Variants in PPP2R2B observed in about 807,000 individuals in gnomAD.
PPP2R2B encodes serine/threonine-protein phosphatase 2A 55 kDa regulatory subunit B beta isoform.
Under a neutral mutation model 46.0 loss-of-function variants are expected in PPP2R2B, and 5 were observed. The observed-to-expected ratio is 0.11, with a 90% CI of 0.06 to 0.23. The LOEUF (loss-of-function observed/expected upper bound fraction) is 0.23. Ranked by LOEUF, PPP2R2B falls within the 10% of genes least tolerant of loss-of-function variation. The pLI is 1.00. For missense variants in PPP2R2B, 367 were observed against 575.0 expected, an observed-to-expected ratio of 0.64 and a Z score of 3.70; for synonymous variants, 215 against 206.7, an observed-to-expected ratio of 1.04 and a Z score of -0.34.
intron 2 of PPP2R2B, among the ~76,000 whole-genome samples, chr5:146,872,152 G>C (rs1221340159): frequency 6.6e-6 from 1 of 152,090 alleles, no homozygotes; most frequent in Non-Finnish European, 1.5e-5. Context: ...CAGGATCATT[G>C]GTACATTTCT....
chr5:147,062,447 G>T (rs1757286935), intron 2 of PPP2R2B, among the ~76,000 whole-genome samples: 1 of 152,146 alleles, frequency 6.6e-6, no homozygotes, highest in Admixed American at 6.5e-5. Flanking sequence ...TCTGCTAAGT[G>T]CTACACCTAG....
At chr5:146,805,637 G>T (rs931049606) in intron 2 of PPP2R2B, among the ~76,000 whole-genome samples, 1 of 152,140 alleles carries the variant, frequency 6.6e-6, no homozygotes, top group Non-Finnish European at 1.5e-5. Flanking sequence ...ATGGAATATG[G>T]TAAAGCAGAT....
chr5:146,919,651 A>G (rs1417192986), intron 1 of PPP2R2B: 1 of 152,088 alleles, frequency 6.6e-6, no homozygotes, highest in Non-Finnish European at 1.5e-5. Context: ...ATGTTCATAC[A>G]CCCTTTTAAT....
chr5:147,074,235 A>C (rs1200710724), intron 2 of PPP2R2B, among the ~76,000 whole-genome samples: 1 of 152,134 alleles, frequency 6.6e-6, no homozygotes, highest in Non-Finnish European at 1.5e-5. Context: ...TGGGTAACTG[A>C]ACCAAGTTTA....
Position 146,842,927 on chromosome 5 carries a change from G to A in PPP2R2B, c.70+35075C>T, listed in dbSNP as rs570982782. On this transcript the variant is annotated intron_variant, in intron 2 of 9. Transcript: ENST00000394411. Reference sequence around the variant, plus strand: ...AAATTGGCTGGGCGCGGTGGCTCACGCCTGTAATCCCAGAACTTTGGGAGG... The same window carrying A: ...AAATTGGCTGGGCGCGGTGGCTCACACCTGTAATCCCAGAACTTTGGGAGG... Among the ~76,000 whole-genome samples the A allele has an allele frequency of 1.2e-4, 19 of 152,308 alleles. No homozygotes were observed. The South Asian group carries it at 2.5e-3, about 20-fold the overall frequency.
intron 5 of PPP2R2B, among the ~76,000 whole-genome samples, chr5:146,672,751 C>T (rs1777450947): frequency 6.6e-6 from 1 of 152,186 alleles, no homozygotes; most frequent in Admixed American, 6.6e-5. Flanking sequence ...ATTCATTTAA[C>T]ACTTTCTTGT....
rs1760274990 is a variant in PPP2R2B, at chr5:146,850,440, CAA to C, written c.70+27560_70+27561del. ...AGCAAAAATGGCTCATATATTTTTG[CAA>C]GACTCTGCAAGATGTGGCTTCTGTC... On this transcript the variant is annotated intron_variant, in intron 2 of 9. Coordinates refer to ENST00000394411, the MANE Select transcript of PPP2R2B (RefSeq NM_181675.4). 3.9e-5 allele frequency among the ~76,000 whole-genome samples: 6 copies of C among 152,208 alleles called. No homozygotes were observed. In the South Asian group the frequency reaches 1.2e-3, roughly 32 times the overall value.
intron 5 of PPP2R2B, among the ~76,000 whole-genome samples, chr5:146,687,705 G>A (rs937433288): frequency 1.3e-5 from 2 of 152,104 alleles, no homozygotes; most frequent in Non-Finnish European, 2.9e-5. Context: ...CTTCTCATGG[G>A]CTCTTTTGGT....
At chr5:146,741,238 T>C (rs1026557841) in intron 2 of PPP2R2B, among the ~76,000 whole-genome samples, 1 of 152,174 alleles carries the variant, frequency 6.6e-6, no homozygotes, top group Admixed American at 6.5e-5. Flanking sequence ...GCAACCCCCC[T>C]TTCTCCATGT....
chr5:147,003,956 TC>T (rs1323977899), intron 1 of PPP2R2B, among the ~76,000 whole-genome samples: 1 of 152,008 alleles, frequency 6.6e-6, no homozygotes, highest in African/African-American at 2.4e-5. Flanking sequence ...AGGAGAAAGC[TC>T]CAAAAGTGAG....
At chr5:146,790,193 G>A (rs541738101) in intron 2 of PPP2R2B, among the ~76,000 whole-genome samples, 1 of 152,302 alleles carries the variant, frequency 6.6e-6, no homozygotes. Flanking sequence ...TGGGTCACTG[G>A]TTTTCCTGAA....
chr5:146,590,903 G>T (rs765917837), intron 9 of PPP2R2B, among the ~76,000 whole-genome samples: 7 of 152,128 alleles, frequency 4.6e-5, no homozygotes, highest in Non-Finnish European at 8.8e-5. Flanking sequence ...GAAATAAAAA[G>T]ATTTTATATG....
intron 1 of PPP2R2B, among the ~76,000 whole-genome samples, chr5:146,898,120 G>A (rs1443455417): frequency 6.6e-6 from 1 of 152,196 alleles, no homozygotes; most frequent in African/African-American, 2.4e-5. Context: ...GGGAAGCGGA[G>A]GTTGCAGTGA....
At chr5:146,831,349 T>C (rs1010677089) in intron 2 of PPP2R2B, among the ~76,000 whole-genome samples, 2 of 151,672 alleles carry the variant, frequency 1.3e-5, no homozygotes, top group East Asian at 3.9e-4. Context: ...ATACAAAAAT[T>C]AGCCGAGTGT....
chr5:146,733,919 G>A (rs910414848), intron 2 of PPP2R2B, among the ~76,000 whole-genome samples: 1 of 152,124 alleles, frequency 6.6e-6, no homozygotes. Context: ...AATAATAACG[G>A]CAGTAGTAGC....
At chr5:146,863,773 T>C (rs1761149356) in intron 2 of PPP2R2B, among the ~76,000 whole-genome samples, 1 of 152,194 alleles carries the variant, frequency 6.6e-6, no homozygotes, top group Non-Finnish European at 1.5e-5. Flanking sequence ...AAGAGCTTAA[T>C]ATTTTTATTT....
At chr5:146,847,123 G>C (rs1159224959) in intron 2 of PPP2R2B, among the ~76,000 whole-genome samples, 1 of 152,106 alleles carries the variant, frequency 6.6e-6, no homozygotes, top group Admixed American at 6.6e-5. Flanking sequence ...TCTCTCAACT[G>C]ATCTGTATGA....
intron 2 of PPP2R2B, among the ~76,000 whole-genome samples, chr5:146,740,507 T>C (rs1752801629): frequency 6.6e-6 from 1 of 151,684 alleles, no homozygotes; most frequent in African/African-American, 2.4e-5. Context: ...AAAGGTCTTA[T>C]GGAAGCTACC....
chr5:146,844,292 A>G (rs1759849574), intron 2 of PPP2R2B, among the ~76,000 whole-genome samples: 1 of 151,024 alleles, frequency 6.6e-6, no homozygotes, highest in Admixed American at 6.6e-5. Flanking sequence ...AGCATGGCAC[A>G]TGTATACATA....
Sources: gnomAD v4.1 joint callset for allele counts (sites outside exome capture counted in the v4.1 genomes callset) on GRCh38, gnomAD v4.1.1 for gene constraint, MANE v1.5 for transcripts, NCBI Gene and HGNC (gene_info 2026-07-23, HGNC 2026-07-21) for gene names.